ITGA11: variants seen among roughly 807,000 people sequenced by gnomAD.
ITGA11 encodes the protein integrin alpha-11.
Under a neutral mutation model 141.9 loss-of-function variants are expected in ITGA11, and 97 were observed. The observed-to-expected ratio is 0.68, with a 90% CI of 0.58 to 0.81. The LOEUF is 0.81. Ranked by LOEUF, ITGA11 falls within the 30% of genes least tolerant of loss-of-function variation. The probability of loss-of-function intolerance (pLI) is 0.00; values close to 1 mark genes in which losing one functional copy is unlikely to be tolerated. For synonymous variants in ITGA11, 658 were observed against 624.6 expected, an observed-to-expected ratio of 1.05 and a Z score of -0.80; for missense variants, 1,387 against 1,559.2, an observed-to-expected ratio of 0.89 and a Z score of 1.86.
intron 20 of ITGA11, among the ~76,000 whole-genome samples, chr15:68,317,580 G>T (rs1567125979): frequency 6.6e-6 from 1 of 152,044 alleles, no homozygotes; most frequent in East Asian, 1.9e-4. Flanking sequence ...GCATGACACG[G>T]GGCGGGACAC....
chr15:68,369,144 C>T (rs1372631619), intron 3 of ITGA11, 40 bp downstream of exon 3: 1 of 1,451,434 alleles, frequency 6.9e-7, no homozygotes, highest in Admixed American at 1.7e-5. Context: ...TGTTAGACAA[C>T]CGCTGGCCTC....
chr15:68,409,973 C>T (rs368276600), intron 1 of ITGA11, among the ~76,000 whole-genome samples: 1 of 152,208 alleles, frequency 6.6e-6, no homozygotes, highest in Non-Finnish European at 1.5e-5. Context: ...CTGGAGTGGC[C>T]TCAGCCAGGC....
At chr15:68,313,727 C>T in intron 23 of ITGA11, 52 bp downstream of exon 23, 2 of 1,431,754 alleles carry the variant, frequency 1.4e-6, no homozygotes, top group Non-Finnish European at 2.0e-6. Context: ...AGGCCTCCCT[C>T]CTCCCATTCC....
chr15:68,339,725 T>C, intron 10 of ITGA11, 81 bp from the exon 11 acceptor site: 1 of 1,545,980 alleles, frequency 6.5e-7, no homozygotes, highest in East Asian at 2.3e-5. Context: ...CTATGACCAG[T>C]GACGCCTCCA....
rs552556176 is a variant in ITGA11, at chr15:68,349,149, A to G, written c.1061-249T>C. Among the ~76,000 whole-genome samples, 5 of 152,326 alleles carry G rather than the reference A, an allele frequency of 3.3e-5. 1 individual carries two copies. In the South Asian group the frequency reaches 8.3e-4, roughly 25 times the overall value. On this transcript the variant is annotated intron_variant, in intron 9 of 29. Transcript: ENST00000315757. ...GTGGGTTGTTACTGGTAGCCCACTT[A>G]CTTCTGAAAAGGGCTCGGGACAACT...
rs373594351 is a variant in ITGA11, at chr15:68,303,105, C to A, written c.3521G>T (p.Arg1174Leu). ...WKLGFFRSAR[R>L]RREPGLDPTP... ...GGGGTCCAGACCAGGCTCCCTCCTG[C>A]GCCTGGCACTTCTAAAGAAGCCGAG... is the stretch of plus-strand genomic sequence containing the variant. Residue 1174 changes from arginine (R) to leucine (L), a missense_variant, in exon 30 of 30, where the codon CGC becomes CTC. Transcript: ENST00000315757. This position sits in a 1 kb window ranked among gnomAD's most constrained non-coding sequence, Gnocchi z 5.3. 11 of 1,551,042 alleles carry A rather than the reference C, an allele frequency of 7.1e-6. No homozygotes were observed. In the African/African-American group the frequency reaches 1.2e-4, roughly 17 times the overall value.
intron 1 of ITGA11, among the ~76,000 whole-genome samples, chr15:68,409,897 A>G (rs1217808675): frequency 6.6e-6 from 1 of 152,176 alleles, no homozygotes; most frequent in Non-Finnish European, 1.5e-5. Context: ...CATCCAGCCC[A>G]TCACCATCAA....
At chr15:68,334,247 G>A (rs1216864725) in intron 12 of ITGA11, among the ~76,000 whole-genome samples, 7 of 152,252 alleles carry the variant, frequency 4.6e-5, no homozygotes, top group African/African-American at 7.2e-5. Flanking sequence ...AGGGGAAGGC[G>A]CCCTGTTCGT....
chr15:68,348,463 G>T (rs1894806031), intron 10 of ITGA11, among the ~76,000 whole-genome samples: 1 of 152,226 alleles, frequency 6.6e-6, no homozygotes, highest in Admixed American at 6.5e-5. Context: ...GAATGGGAAG[G>T]CACACCCCGC....
At position 68,320,291 on chromosome 15, in the gene ITGA11, C is replaced by T. The variant is rs201555336; in HGVS notation, c.2510G>A (p.Arg837Gln). ...CTCCAGTGTGGCCTCCACCGCCACT[C>T]GCTGGCGTGTGCTCTCTATGATGAA... is the stretch of plus-strand genomic sequence containing the variant. Reference protein sequence around the residue: ...TVFIIESTRQRVAVEATLENR... With the variant: ...TVFIIESTRQQVAVEATLENR... Residue 837 changes from arginine to glutamine, a missense_variant, in exon 20 of 30, where the codon CGA becomes CAA. Physicochemically the swap from Arg to Gln is conservative, Grantham distance 43. Coordinates refer to ENST00000315757, the MANE Select transcript of ITGA11 (RefSeq NM_001004439.2). 6.7e-5 allele frequency: 108 copies of T among 1,613,848 alleles called. No homozygotes were observed. Among genetic ancestry groups the T allele is most frequent in the Admixed American group, 5.0e-5 (3 of 60,000 alleles).
chr15:68,431,994 A>G, intron 1 of ITGA11, 21 bp downstream of exon 1: 4 of 1,297,792 alleles, frequency 3.1e-6, no homozygotes, highest in South Asian at 5.5e-5. Flanking sequence ...AGGCAAGGGG[A>G]GGCAGAGGGT....
At position 68,412,668 on chromosome 15, in the gene ITGA11, CTTTTTTTTTTTT is replaced by C. The variant is rs71145169; in HGVS notation, c.53-9651_53-9640del. ...TTATTAGGGAGGGGGAACTTATTCG[CTTTTTTTTTTTT>C]TTTTTTTTTTTTTGAGACAGAGTCT... On this transcript the variant is annotated intron_variant, in intron 1 of 29. Coordinates refer to ENST00000315757, the MANE Select transcript of ITGA11 (RefSeq NM_001004439.2). Among the ~76,000 whole-genome samples, 12 of 59,258 alleles carry C rather than the reference CTTTTTTTTTTTT, an allele frequency of 2.0e-4. No homozygotes were observed. In the South Asian group the frequency reaches 2.5e-3, roughly 13 times the overall value. 38.9% of individuals were successfully genotyped at this position (59,258 alleles called of 152,430 possible). A position where few individuals can be genotyped will look rare whatever the true frequency, so the allele number is the denominator to read the frequency against.
chr15:68,362,401 G>A lies in ITGA11; in HGVS notation c.358-697C>T, dbSNP rs954073153. Among the ~76,000 whole-genome samples, 17 of 152,308 alleles carry A rather than the reference G, an allele frequency of 1.1e-4. 1 individual carries two copies. The highest frequency in any genetic ancestry group is 5.2e-4 in the Admixed American group (8 of 15,304). On this transcript the variant is annotated intron_variant, in intron 4 of 29. Transcript: ENST00000315757. ...TTAGGGGAGTAATTATTCTACTTCC[G>A]ATCCCTTTCTTTAATTACTTTCTTT...
chr15:68,413,317 A>G (rs1270544695), intron 1 of ITGA11, among the ~76,000 whole-genome samples: 1 of 152,180 alleles, frequency 6.6e-6, no homozygotes, highest in Non-Finnish European at 1.5e-5. Context: ...CTTCATACTT[A>G]TCTATGTTCA....
At position 68,307,648 on chromosome 15, in the gene ITGA11, C is replaced by G. The variant is rs759234493; in HGVS notation, c.3223G>C (p.Val1075Leu). The G allele has an allele frequency of 1.2e-6, 2 of 1,613,858 alleles. No homozygotes were observed. Among genetic ancestry groups the G allele is most frequent in the South Asian group, 2.2e-5 (2 of 91,052 alleles). Residue 1075 changes from valine (V) to leucine (L), a missense_variant, in exon 27 of 30, where the codon GTC becomes CTC. Coordinates refer to ENST00000315757, the MANE Select transcript of ITGA11 (RefSeq NM_001004439.2). The surrounding 1 kb of genome is among the most constrained non-coding windows in gnomAD (Gnocchi z 6.1). Reference protein sequence around the residue: ...VVSINCNIRLVPNQEINFHLL... With the variant: ...VVSINCNIRLLPNQEINFHLL... The stretch of plus-strand genomic sequence containing the variant: ...TGGAAATTGATTTCCTGGTTGGGGA[C>G]CAGCCGTATATTGCAGTTGATGGAG...
Position 68,300,856 on chromosome 15 carries a change from T to G in ITGA11, c.*2203A>C, listed in dbSNP as rs985506107. Reference sequence around the variant, plus strand: ...TGCAGTGTGGTCACAGGTGGCAGTTTTTAAAAATATGAATGCCAGCCTCTA... The same window carrying G: ...TGCAGTGTGGTCACAGGTGGCAGTTGTTAAAAATATGAATGCCAGCCTCTA... On this transcript the variant is annotated 3_prime_UTR_variant, in exon 30 of 30. Transcript: ENST00000315757. The G allele has an allele frequency of 1.3e-5, 2 of 152,144 alleles. No homozygotes were observed. Among genetic ancestry groups the G allele is most frequent in the African/African-American group, 4.8e-5 (2 of 41,424 alleles). The allele number at this position is 152,144 out of a possible 1,614,324, so 9.4% of individuals were successfully genotyped here.
At chr15:68,329,343 G>A (rs1339279017) in intron 15 of ITGA11, among the ~76,000 whole-genome samples, 3 of 152,166 alleles carry the variant, frequency 2.0e-5, no homozygotes, top group African/African-American at 7.2e-5. Context: ...TGCTGCCCAG[G>A]TCCCTCCACA....
Position 68,397,801 on chromosome 15 carries a change from TTAATAA to T in ITGA11, c.164+5111_164+5116del, listed in dbSNP as rs1199431548. ...ATATATTTAAAATAATATAAAATTA[TTAATAA>T]TAATATTATATATTATTATATAAAT... On this transcript the variant is annotated intron_variant, in intron 2 of 29. Transcript: ENST00000315757. 2.0e-5 allele frequency among the ~76,000 whole-genome samples: 2 copies of T among 99,196 alleles called. 1 individual carries two copies. The highest frequency in any genetic ancestry group is 9.9e-5 in the African/African-American group (2 of 20,298). The allele number at this position is 99,196 out of a possible 152,430, so 65.1% of individuals were successfully genotyped here. A position where few individuals can be genotyped will look rare whatever the true frequency, so the allele number is the denominator to read the frequency against.
chr15:68,416,496 G>A (rs184202053), intron 1 of ITGA11, among the ~76,000 whole-genome samples: 1 of 152,206 alleles, frequency 6.6e-6, no homozygotes, highest in Admixed American at 6.5e-5. Flanking sequence ...CAGATGTCAA[G>A]CTCAAGGAAA....
Sources: allele counts gnomAD v4.1 joint callset (sites outside exome capture counted in the v4.1 genomes callset), GRCh38; gene constraint gnomAD v4.1.1; non-coding constraint Gnocchi (gnomAD v3.1); transcripts MANE v1.5; gene names NCBI Gene and HGNC (gene_info 2026-07-23, HGNC 2026-07-21).